The following ASAP3 variants were observed in gnomAD, a reference collection of about 807,000 sequenced individuals.
ASAP3 encodes arf-GAP with SH3 domain, ANK repeat and PH domain-containing protein 3.
ASAP3 carries 85 observed loss-of-function variants against 118.2 expected under a neutral mutation model. The ratio of observed to expected loss-of-function variants is 0.72; its 90% CI spans 0.60 to 0.86. The LOEUF (loss-of-function observed/expected upper bound fraction) is 0.86. ASAP3 is among the 40% of genes least tolerant of loss of function. ASAP3 has a pLI of 0.00. For synonymous variants in ASAP3, 432 were observed against 477.4 expected, an observed-to-expected ratio of 0.90 and a Z score of 1.24; for missense variants, 1,026 against 1,175.0, an observed-to-expected ratio of 0.87 and a Z score of 1.85.
intron 1 of ASAP3, among the ~76,000 whole-genome samples, chr1:23,461,865 T>G (rs1167607427): frequency 6.6e-6 from 1 of 152,094 alleles, no homozygotes; most frequent in Non-Finnish European, 1.5e-5. Flanking sequence ...GAAACTACCC[T>G]AGCAGCCCCA....
intron 24 of ASAP3, among the ~76,000 whole-genome samples, chr1:23,430,609 A>C (rs1432161143): frequency 6.6e-6 from 1 of 152,194 alleles, no homozygotes; most frequent in Non-Finnish European, 1.5e-5. Flanking sequence ...TCTGCAGGGA[A>C]GTGATGCCTT....
chr1:23,446,719 T>G (rs1641058874), intron 5 of ASAP3, among the ~76,000 whole-genome samples: 1 of 152,186 alleles, frequency 6.6e-6, no homozygotes. Context: ...ATTACAGGCA[T>G]GAGCCACCAT....
intron 6 of ASAP3, 57 bp from the exon 7 acceptor site, chr1:23,442,328 GA>G (rs751353878): frequency 1.6e-5 from 25 of 1,570,018 alleles, no homozygotes; most frequent in Non-Finnish European, 2.1e-5. Context: ...TCCTGGGAAC[GA>G]GGGGCTGCAG....
Position 23,441,137 on chromosome 1 carries a change from C to T in ASAP3, c.909G>A (p.Thr303=), listed in dbSNP as rs766759040. The T allele has an allele frequency of 1.5e-5, 24 of 1,614,072 alleles. No homozygotes were observed. Among genetic ancestry groups the T allele is most frequent in the East Asian group, 4.5e-5 (2 of 44,888 alleles). Residue 303 remains threonine (T), a synonymous_variant, in exon 10 of 25, where the codon ACG becomes ACA. Transcript: ENST00000336689. ...TCTTGTATAGAAAGCCCACTTTCTC[C>T]GTCCCAAACTGCTTGTTGCCTTGGT... ...HQHQGNKQFG[T]EKVGFLYKKS... is the part of the protein sequence containing the mutation.
At chr1:23,466,727 C>G (rs533773814) in intron 1 of ASAP3, among the ~76,000 whole-genome samples, 1 of 152,204 alleles carries the variant, frequency 6.6e-6, no homozygotes, top group Non-Finnish European at 1.5e-5. Context: ...GCAACTCAAG[C>G]CAAGGGGGCA....
chr1:23,448,398 T>C lies in ASAP3; in HGVS notation c.473+3081A>G, dbSNP rs1641111920. Among the ~76,000 whole-genome samples, 3 of 152,174 alleles carry C rather than the reference T, an allele frequency of 2.0e-5. No individual in the cohort carries two copies. The South Asian group carries it at 6.2e-4, about 32-fold the overall frequency. The stretch of plus-strand genomic sequence containing the variant: ...AATCTGGTAATAGATGCAAAGACCT[T>C]ACTCCACTGCCTGGCACAAAGGAAA... On this transcript the variant is annotated intron_variant, in intron 5 of 24. Transcript: ENST00000336689.
At chr1:23,475,232 G>T (rs1642090927) in intron 1 of ASAP3, among the ~76,000 whole-genome samples, 1 of 152,158 alleles carries the variant, frequency 6.6e-6, no homozygotes, top group Non-Finnish European at 1.5e-5. Flanking sequence ...TTCCAATGCT[G>T]GTGGCAACCA....
At chr1:23,457,612 G>C (rs1001218026) in intron 1 of ASAP3, among the ~76,000 whole-genome samples, 2 of 152,190 alleles carry the variant, frequency 1.3e-5, no homozygotes, top group Admixed American at 6.5e-5. Flanking sequence ...TGCCTGCCAG[G>C]TTCAAGCAAT....
intron 5 of ASAP3, among the ~76,000 whole-genome samples, chr1:23,449,786 T>C (rs1641158175): frequency 6.6e-6 from 1 of 152,306 alleles, no homozygotes; most frequent in South Asian, 2.1e-4. Context: ...AAATGGAGTC[T>C]GGCCTGTAAA....
In ASAP3 at chr1:23,433,645, T is replaced by C. The variant is rs755994782; in HGVS notation, c.2000A>G (p.His667Arg). The part of the protein sequence containing the change: ...TALDIARKKH[H>R]KECEELLEQA... ...CCTCACCAGCTCCTCACACTCCTTG[T>C]GGTGCTTCTTCCTGGCTATGTCCAG... The change falls in exon 20 of 25, where the codon CAC becomes CGC. Residue 667 changes from histidine to arginine, a missense_variant. Coordinates refer to ENST00000336689, the MANE Select transcript of ASAP3 (RefSeq NM_017707.4). 4 of 1,614,112 alleles carry C rather than the reference T, an allele frequency of 2.5e-6. No homozygotes were observed. In the Admixed American group the frequency reaches 5.0e-5, roughly 20 times the overall value.
chr1:23,438,961 C>T lies in ASAP3; in HGVS notation c.1015-127G>A. ...TCCATTTGTGTTTCTCCTCACCCAG[C>T]AGCACCTCAAGGATGTGAAGTGTAG... On this transcript the variant is annotated intron_variant, in intron 11 of 24. Transcript: ENST00000336689. The surrounding 1 kb of genome is among the most constrained non-coding windows in gnomAD (Gnocchi z 4.9). The T allele has an allele frequency of 1.7e-6, 2 of 1,154,586 alleles. No individual in the cohort carries two copies. Among genetic ancestry groups the T allele is most frequent in the Non-Finnish European group, 2.5e-6 (2 of 793,040 alleles). 71.5% of individuals were successfully genotyped at this position (1,154,586 alleles called of 1,614,324 possible).
In ASAP3 at chr1:23,428,818, G is replaced by A. The variant is rs1401445839; in HGVS notation, c.*1038C>T. 6.5e-6 allele frequency: 1 copy of A among 154,764 alleles called. No individual in the cohort carries two copies. Among genetic ancestry groups the A allele is most frequent in the Non-Finnish European group, 1.5e-5 (1 of 68,250 alleles). 9.6% of individuals were successfully genotyped at this position (154,764 alleles called of 1,614,324 possible). A position where few individuals can be genotyped will look rare whatever the true frequency, so the allele number is the denominator to read the frequency against. On this transcript the variant is annotated 3_prime_UTR_variant, in exon 25 of 25. Coordinates refer to ENST00000336689, the MANE Select transcript of ASAP3 (RefSeq NM_017707.4). The stretch of plus-strand genomic sequence containing the variant: ...CAACTGGCAAGTTGAGATGTTAGTG[G>A]TTGATGATGGCTTAGGTGTATCTGC...
rs1558119202 is a variant in ASAP3, at chr1:23,437,411, AG to A, written c.1151+12del. ...CCCACAAGGCTGGCCGGGCTGGCCG[AG>A]GGGGCACTCACGCCTCACACTCGTG... On this transcript the variant is annotated intron_variant, in intron 13 of 24. Transcript: ENST00000336689. This position sits in a 1 kb window ranked among gnomAD's most constrained non-coding sequence, Gnocchi z 6.1. 4.3e-6 allele frequency: 7 copies of A among 1,613,574 alleles called. No individual in the cohort carries two copies. The Admixed American group carries it at 5.0e-5, about 12-fold the overall frequency.
upstream of ASAP3, chr1:23,484,228 C>A (rs1403020638): frequency 7.8e-6 from 9 of 1,160,002 alleles, no homozygotes; most frequent in Non-Finnish European, 9.7e-6. Context: ...GGGCGCCGTC[C>A]CGGCCTCCAC....
In ASAP3 at chr1:23,484,036, C is replaced by T; in HGVS notation, c.98G>A (p.Arg33Gln). ...CCGCGCCAGCGCCGCCCCTCGGTAC[C>T]GGGGCATCTTGGCGGCGAAGGCGGC... is the stretch of plus-strand genomic sequence containing the variant. ...GAAAFAAKMPRYRGAALAREE... is the reference protein window; with the variant it reads ...GAAAFAAKMPQYRGAALAREE... The change falls in exon 1 of 25, where the codon CGG becomes CAG. Residue 33 changes from arginine to glutamine, a missense_variant. Arg to Gln is a conservative substitution (Grantham distance 43). Transcript: ENST00000336689. 1 of 1,330,072 alleles carries T rather than the reference C, an allele frequency of 7.5e-7. No homozygotes were observed. The highest frequency in any genetic ancestry group is 9.6e-7 in the Non-Finnish European group (1 of 1,042,192). The allele number at this position is 1,330,072 out of a possible 1,614,324, so 82.4% of individuals were successfully genotyped here. A position where few individuals can be genotyped will look rare whatever the true frequency, so the allele number is the denominator to read the frequency against.
At chr1:23,478,841 C>T (rs1036552908) in intron 1 of ASAP3, among the ~76,000 whole-genome samples, 4 of 152,154 alleles carry the variant, frequency 2.6e-5, no homozygotes, top group Non-Finnish European at 5.9e-5. Flanking sequence ...TGAGAGTATG[C>T]ATAAATGATC....
intron 1 of ASAP3, among the ~76,000 whole-genome samples, chr1:23,461,398 G>A (rs1193615305): frequency 6.6e-6 from 1 of 152,098 alleles, no homozygotes; most frequent in Non-Finnish European, 1.5e-5. Flanking sequence ...GCCTGGGGTG[G>A]GGTGGCTCAC....
At chr1:23,461,364 T>C (rs1351515858) in intron 1 of ASAP3, among the ~76,000 whole-genome samples, 6 of 151,946 alleles carry the variant, frequency 3.9e-5, no homozygotes, top group Non-Finnish European at 7.4e-5. Context: ...ATAAAGTCGA[T>C]TTTTTTTAAT....
intron 1 of ASAP3, among the ~76,000 whole-genome samples, chr1:23,469,887 C>A (rs1344730865): frequency 1.3e-5 from 2 of 152,178 alleles, no homozygotes; most frequent in African/African-American, 4.8e-5. Context: ...CTAAAGCAAA[C>A]TACGAGCTAA....
Sources: gnomAD v4.1 joint callset for allele counts (sites outside exome capture counted in the v4.1 genomes callset) on GRCh38, gnomAD v4.1.1 for gene constraint, Gnocchi (gnomAD v3.1) non-coding constraint, MANE v1.5 for transcripts, NCBI Gene and HGNC (gene_info 2026-07-23, HGNC 2026-07-21) for gene names.